NUCKS1: variants seen among roughly 807,000 people sequenced by gnomAD.
The protein encoded by NUCKS1 is nuclear casein kinase and cyclin dependent kinase substrate 1.
Under a neutral mutation model 33.0 loss-of-function variants are expected in NUCKS1, and 2 were observed. The observed-to-expected ratio is 0.06, with a 90% CI of 0.02 to 0.19. The LOEUF (loss-of-function observed/expected upper bound fraction) is 0.19. NUCKS1 is among the 10% of genes least tolerant of loss of function. The pLI, the probability that NUCKS1 is intolerant of heterozygous loss-of-function variation, is 1.00. For synonymous variants in NUCKS1, 106 were observed against 102.8 expected (o/e 1.03, Z -0.19); for missense variants, 201 against 293.6 (o/e 0.68, Z 2.31).
rs1671961392 is a variant in NUCKS1 at position 205,723,829 on chromosome 1, T to G, written c.229+97A>C. The G allele has an allele frequency of 1.3e-5, 11 of 842,112 alleles. 1 individual carries two copies. In the East Asian group the frequency reaches 3.0e-4, roughly 23 times the overall value. 52.2% of individuals were successfully genotyped at this position (842,112 alleles called of 1,614,324 possible). A position where few individuals can be genotyped will look rare whatever the true frequency, so the allele number is the denominator to read the frequency against. ...TGGAAACGTCTTTGTAATCCCAGAT[T>G]TGCAACAGTGCCTGGCATAGAAATC... is the stretch of plus-strand genomic sequence containing the variant. On this transcript the variant is annotated intron_variant, in intron 4 of 6. Transcript: ENST00000367142.
At position 205,717,398 on chromosome 1, in the gene NUCKS1, T is replaced by TC; in HGVS notation, c.*881_*882insG. The TC allele has an allele frequency of 1.0e-6, 1 of 983,958 alleles. No homozygotes were observed. Among genetic ancestry groups the TC allele is most frequent in the Non-Finnish European group, 1.2e-6 (1 of 827,092 alleles). The allele number at this position is 983,958 out of a possible 1,614,324, so 61.0% of individuals were successfully genotyped here. ...ATCTTGTTGATTAAATTCTAGGGTTTTTTTTTTTTTGGATTCTTGGTAAAA... is the reference window on the plus strand; with the variant it reads ...ATCTTGTTGATTAAATTCTAGGGTTTCTTTTTTTTTTGGATTCTTGGTAAAA... On this transcript the variant is annotated 3_prime_UTR_variant, in exon 7 of 7. Transcript: ENST00000367142.
chr1:205,720,096 T>C (rs1671894043), intron 5 of NUCKS1, among the ~76,000 whole-genome samples: 2 of 152,122 alleles, frequency 1.3e-5, no homozygotes, highest in Admixed American at 6.5e-5. Context: ...CAAAAATACA[T>C]AGGATTAACT....
chr1:205,749,757 G>T (rs1363284549), intron 1 of NUCKS1, among the ~76,000 whole-genome samples, 200 bp downstream of exon 1: 2 of 151,140 alleles, frequency 1.3e-5, no homozygotes, highest in African/African-American at 2.4e-5. Flanking sequence ...GGGCGGGGAG[G>T]GGCGCGCGCA....
At chr1:205,744,023 C>T (rs1021220633) in intron 1 of NUCKS1, among the ~76,000 whole-genome samples, 19 of 152,186 alleles carry the variant, frequency 1.2e-4, no homozygotes, top group South Asian at 8.3e-4. Context: ...CAAAGGTTCA[C>T]ACTAAATACT....
At position 205,713,258 on chromosome 1, in the gene NUCKS1, A is replaced by G. The variant is rs979376429; in HGVS notation, c.*5022T>C. ...AACAAAAAAAAAGTTTACAAAAGAA[A>G]AAAAGATACAGAAAAAGAATAACTT... On this transcript the variant is annotated 3_prime_UTR_variant, in exon 7 of 7. Transcript: ENST00000367142. 6.6e-6 allele frequency: 1 copy of G among 152,188 alleles called. No individual in the cohort carries two copies. The highest frequency in any genetic ancestry group is 1.5e-5 in the Non-Finnish European group (1 of 68,036). The allele number at this position is 152,188 out of a possible 1,614,324, so 9.4% of individuals were successfully genotyped here. A position where few individuals can be genotyped will look rare whatever the true frequency, so the allele number is the denominator to read the frequency against.
intron 1 of NUCKS1, among the ~76,000 whole-genome samples, chr1:205,748,050 TAAAC>T (rs901125360): frequency 6.7e-6 from 1 of 148,760 alleles, no homozygotes; most frequent in African/African-American, 2.5e-5. Flanking sequence ...TTAGGGGAAA[TAAAC>T]AAGGTCAAAA....
At chr1:205,722,346 TCC>T (rs1369513869) in intron 4 of NUCKS1, among the ~76,000 whole-genome samples, 1 of 152,206 alleles carries the variant, frequency 6.6e-6, no homozygotes, top group African/African-American at 2.4e-5. Flanking sequence ...AACCTCTGCC[TCC>T]CAGGTTCAAG....
intron 3 of NUCKS1, among the ~76,000 whole-genome samples, chr1:205,724,679 G>A (rs1355508745): frequency 2.0e-5 from 3 of 152,026 alleles, no homozygotes; most frequent in Non-Finnish European, 4.4e-5. Flanking sequence ...GGGTGGCAGA[G>A]CAAGACTCCA....
At chr1:205,747,325 C>T (rs923709234) in intron 1 of NUCKS1, among the ~76,000 whole-genome samples, 4 of 152,152 alleles carry the variant, frequency 2.6e-5, no homozygotes, top group Admixed American at 2.6e-4. Context: ...AGCTCCAAGG[C>T]TAATTTTAAG....
Position 205,717,396 on chromosome 1 carries a change from T to G in NUCKS1, c.*884A>C, listed in dbSNP as rs922415038. On this transcript the variant is annotated 3_prime_UTR_variant, in exon 7 of 7. Coordinates refer to ENST00000367142, the MANE Select transcript of NUCKS1 (RefSeq NM_022731.5). ...TGATCTTGTTGATTAAATTCTAGGG[T>G]TTTTTTTTTTTTGGATTCTTGGTAA... 1.7e-5 allele frequency: 8 copies of G among 473,426 alleles called. No homozygotes were observed. The highest frequency in any genetic ancestry group is 1.3e-4 in the African/African-American group (4 of 31,080). 29.3% of individuals were successfully genotyped at this position (473,426 alleles called of 1,614,324 possible).
At chr1:205,736,243 C>T (rs1194598918) in intron 1 of NUCKS1, among the ~76,000 whole-genome samples, 2 of 152,204 alleles carry the variant, frequency 1.3e-5, no homozygotes, top group Admixed American at 1.3e-4. Flanking sequence ...TGAGCCACCA[C>T]ATCCAGCCCT....
At chr1:205,741,246 GC>G (rs1272296440) in intron 1 of NUCKS1, among the ~76,000 whole-genome samples, 1 of 141,544 alleles carries the variant, frequency 7.1e-6, no homozygotes, top group Admixed American at 7.4e-5. Flanking sequence ...CTTGCAGTGA[GC>G]CGAGATCGCG....
In NUCKS1 at chr1:205,718,220, CTT is replaced by C. The variant is rs967770307; in HGVS notation, c.*58_*59del. The stretch of plus-strand genomic sequence containing the variant: ...AAGTAGGTTCTTTTTTTTCCTCCCT[CTT>C]TTTTCTTTTTTTTTCTTTTTTTTTT... On this transcript the variant is annotated 3_prime_UTR_variant, in exon 7 of 7. Transcript: ENST00000367142. 2.0e-6 allele frequency: 3 copies of C among 1,475,546 alleles called. No individual in the cohort carries two copies. In the African/African-American group the frequency reaches 4.3e-5, roughly 21 times the overall value. 91.4% of individuals were successfully genotyped at this position (1,475,546 alleles called of 1,614,324 possible). A position where few individuals can be genotyped will look rare whatever the true frequency, so the allele number is the denominator to read the frequency against.
rs1047113229 is a variant in NUCKS1, at chr1:205,713,351, T to A, written c.*4929A>T. 1.3e-5 allele frequency: 2 copies of A among 152,136 alleles called. No individual in the cohort carries two copies. The highest frequency in any genetic ancestry group is 2.9e-5 in the Non-Finnish European group (2 of 68,040). 9.4% of individuals were successfully genotyped at this position (152,136 alleles called of 1,614,324 possible). On this transcript the variant is annotated 3_prime_UTR_variant, in exon 7 of 7. Transcript: ENST00000367142. ...GCCAACATGCTCAACAATAAAGGCT[T>A]CTTTTTCTTATTTTTTTAATACAAA...
chr1:205,746,449 TCTCTCACACACACA>T (rs1349205082), intron 1 of NUCKS1, among the ~76,000 whole-genome samples: 1 of 108,050 alleles, frequency 9.3e-6, no homozygotes, highest in African/African-American at 3.7e-5. Flanking sequence ...TCTCTCTCTC[TCTCTCACACACACA>T]CACACACACA....
At chr1:205,747,041 C>T (rs1654349746) in intron 1 of NUCKS1, among the ~76,000 whole-genome samples, 1 of 152,150 alleles carries the variant, frequency 6.6e-6, no homozygotes, top group Admixed American at 6.5e-5. Flanking sequence ...TGGCATTTTC[C>T]TTCCTTCCTC....
chr1:205,733,836 G>A (rs1329090428), intron 1 of NUCKS1, among the ~76,000 whole-genome samples: 1 of 151,788 alleles, frequency 6.6e-6, no homozygotes, highest in East Asian at 1.9e-4. Context: ...TATCTATCTA[G>A]ACAGACCTAC....
At chr1:205,737,087 A>C (rs1446377895) in intron 1 of NUCKS1, among the ~76,000 whole-genome samples, 1 of 152,132 alleles carries the variant, frequency 6.6e-6, no homozygotes, top group African/African-American at 2.4e-5. Context: ...GCTTTCCTCC[A>C]TACCACCTTG....
chr1:205,718,339 G>A lies in NUCKS1; in HGVS notation c.673C>T (p.Pro225Ser), dbSNP rs1336594737. 1 of 1,613,192 alleles carries A rather than the reference G, an allele frequency of 6.2e-7. No individual in the cohort carries two copies. The highest frequency in any genetic ancestry group is 1.3e-5 in the African/African-American group (1 of 74,658). The change falls in exon 7 of 7, where the codon CCA (proline) becomes TCA (serine). Residue 225 changes from proline to serine, a missense_variant. Coordinates refer to ENST00000367142, the MANE Select transcript of NUCKS1 (RefSeq NM_022731.5). The stretch of plus-strand genomic sequence containing the variant: ...CCTTCATCCCCAGATTTCTCGGGTG[G>A]GGGGCTTGTAGATGTTTTCTTTTCT... ...PPEKKTSTSP[P>S]PEKSGDEGSE...
Sources: gnomAD v4.1 joint callset for allele counts (sites outside exome capture counted in the v4.1 genomes callset) on GRCh38, gnomAD v4.1.1 for gene constraint, MANE v1.5 for transcripts, NCBI Gene and HGNC (gene_info 2026-07-23, HGNC 2026-07-21) for gene names.